ITPRID2: variants seen among roughly 807,000 people sequenced by gnomAD.
The protein encoded by ITPRID2 is protein ITPRID2.
A neutral mutation model predicts 124.3 loss-of-function variants in ITPRID2; 60 were observed. That is an observed-to-expected ratio of 0.48 (90% CI 0.39 to 0.60). The LOEUF (loss-of-function observed/expected upper bound fraction) is 0.60. Ranked by LOEUF, ITPRID2 falls within the 20% of genes least tolerant of loss-of-function variation. ITPRID2 has a pLI of 0.00. For missense variants in ITPRID2, 1,553 were observed against 1,512.2 expected, an observed-to-expected ratio of 1.03 and a Z score of -0.45; for synonymous variants, 521 against 542.9, an observed-to-expected ratio of 0.96 and a Z score of 0.56.
intron 2 of ITPRID2, chr2:181,893,186 GA>G: frequency 6.3e-6 from 1 of 159,338 alleles, no homozygotes; most frequent in Non-Finnish European, 1.4e-5. Context: ...GATGGCACTG[GA>G]ATTCTCAGGG....
chr2:181,915,610 A>G lies in ITPRID2; in HGVS notation c.1970A>G (p.Tyr657Cys), dbSNP rs1693968816. The G allele has an allele frequency of 1.9e-6, 3 of 1,614,240 alleles. No homozygotes were observed. Among genetic ancestry groups the G allele is most frequent in the Non-Finnish European group, 1.7e-6 (2 of 1,180,038 alleles). The change falls in exon 11 of 18, where the codon TAT becomes TGT. Residue 657 changes from tyrosine (Y) to cysteine (C), a missense_variant. By Grantham distance (194) the Tyr-to-Cys change is radical (BLOSUM62 -2). Transcript: ENST00000431877. The stretch of plus-strand genomic sequence containing the variant: ...AGCAGTGAAAGTGAATTTACTCAGT[A>G]TACCACACACCATATTCTGAAATCA... ...GKSSESEFTQ[Y>C]TTHHILKSLA...
rs1400520770 is a variant in ITPRID2, at chr2:181,892,521, C to T, written c.212-94C>T. 3 of 1,483,800 alleles carry T rather than the reference C, an allele frequency of 2.0e-6. No individual in the cohort carries two copies. The highest frequency in any genetic ancestry group is 2.8e-6 in the Non-Finnish European group (3 of 1,062,912). The allele number at this position is 1,483,800 out of a possible 1,614,324, so 91.9% of individuals were successfully genotyped here. ...GACGTGTCGCTTAGGCTGCATTTGC[C>T]GTGGTAGATTTTCCTACTTGGGAGG... On this transcript the variant is annotated intron_variant, in intron 1 of 17. Coordinates refer to ENST00000431877, the MANE Select transcript of ITPRID2 (RefSeq NM_001130445.3). The surrounding 1 kb of genome is among the most constrained non-coding windows in gnomAD (Gnocchi z 5.2).
chr2:181,929,053 G>A (rs1162794875), intron 17 of ITPRID2, among the ~76,000 whole-genome samples: 2 of 151,468 alleles, frequency 1.3e-5, no homozygotes, highest in East Asian at 1.9e-4. Flanking sequence ...TTAGTAAAAC[G>A]AATTACTTTC....
chr2:181,915,428 C>T lies in ITPRID2; in HGVS notation c.1788C>T (p.Phe596=). The T allele has an allele frequency of 6.2e-7, 1 of 1,614,138 alleles. No individual in the cohort carries two copies. The highest frequency in any genetic ancestry group is 8.5e-7 in the Non-Finnish European group (1 of 1,180,018). The change falls in exon 11 of 18, where the codon TTC becomes TTT. Residue 596 remains phenylalanine (F), a synonymous_variant. Transcript: ENST00000431877. ...ADKRKSGSQD[F]PQCNTIENTG... is the part of the protein sequence containing the mutation. ...AAAGAAAATCAGGTAGCCAGGATTT[C>T]CCTCAGTGCAACACCATTGAGAATA...
chr2:181,918,266 A>G (rs1436292575), intron 11 of ITPRID2: 11 of 1,062,516 alleles, frequency 1.0e-5, no homozygotes, highest in Non-Finnish European at 1.3e-5. Flanking sequence ...CTATAATCTC[A>G]TGATGATATT....
intron 2 of ITPRID2, chr2:181,893,940 C>T (rs1398673495): frequency 6.6e-6 from 1 of 152,150 alleles, no homozygotes; most frequent in Non-Finnish European, 1.5e-5. Flanking sequence ...AAACTAGTAT[C>T]TTTCAGGTTT....
chr2:181,898,816 T>C, intron 4 of ITPRID2, 64 bp from the exon 5 acceptor site: 3 of 1,112,904 alleles, frequency 2.7e-6, no homozygotes, highest in Non-Finnish European at 4.1e-6. Flanking sequence ...TTCTTGATAA[T>C]TGTATCATAG....
Position 181,892,674 on chromosome 2 carries a change from G to A in ITPRID2, c.257+14G>A. The A allele has an allele frequency of 6.2e-7, 1 of 1,613,948 alleles. No homozygotes were observed. Among genetic ancestry groups the A allele is most frequent in the Non-Finnish European group, 8.5e-7 (1 of 1,179,946 alleles). On this transcript the variant is annotated intron_variant, in intron 2 of 17. Transcript: ENST00000431877. The surrounding 1 kb of genome is among the most constrained non-coding windows in gnomAD (Gnocchi z 5.2). ...CAAGGACTGCCGGTGAGTGCTCCCTGGTCCGCCCGCGTCCCGGGGGAGATC... is the reference window on the plus strand; with the variant it reads ...CAAGGACTGCCGGTGAGTGCTCCCTAGTCCGCCCGCGTCCCGGGGGAGATC...
intron 11 of ITPRID2, chr2:181,917,900 G>C (rs757076588): frequency 2.6e-5 from 4 of 152,104 alleles, no homozygotes; most frequent in Non-Finnish European, 5.9e-5. Context: ...TCCTGCCTTG[G>C]CCTCCCAAAG....
intron 15 of ITPRID2, 40 bp downstream of exon 15, chr2:181,920,702 A>G (rs1197583439): frequency 6.9e-7 from 1 of 1,455,436 alleles, no homozygotes; most frequent in African/African-American, 1.4e-5. Flanking sequence ...GAAGGGAATG[A>G]TACAACATTT....
At position 181,915,853 on chromosome 2, in the gene ITPRID2, A is replaced by C. The variant is rs138666546; in HGVS notation, c.2213A>C (p.Gln738Pro). The part of the protein sequence containing the change: ...AKAGYPLRRS[Q>P]SLPTTLLSPV... ...GCTGGCTATCCTCTAAGAAGGTCTC[A>C]GTCTTTACCAACCACCTTATTGAGC... Residue 738 changes from glutamine to proline, a missense_variant, in exon 11 of 18, where the codon CAG becomes CCG. By Grantham distance (76) the Gln-to-Pro change is moderately conservative (BLOSUM62 -1). Coordinates refer to ENST00000431877, the MANE Select transcript of ITPRID2 (RefSeq NM_001130445.3). 3 of 1,614,236 alleles carry C rather than the reference A, an allele frequency of 1.9e-6. No homozygotes were observed. Among genetic ancestry groups the C allele is most frequent in the African/African-American group, 1.3e-5 (1 of 75,060 alleles).
chr2:181,906,518 A>T (rs1574241424), intron 8 of ITPRID2, among the ~76,000 whole-genome samples: 1 of 152,268 alleles, frequency 6.6e-6, no homozygotes, highest in East Asian at 1.9e-4. Flanking sequence ...AGGCAGGAGG[A>T]TCACTTGAGC....
Position 181,892,297 on chromosome 2 carries a change from C to T in ITPRID2, c.211+20C>T. On this transcript the variant is annotated intron_variant, in intron 1 of 17. Coordinates refer to ENST00000431877, the MANE Select transcript of ITPRID2 (RefSeq NM_001130445.3). The surrounding 1 kb of genome is among the most constrained non-coding windows in gnomAD (Gnocchi z 5.2). Reference sequence around the variant, plus strand: ...GAAGAGGTCGGTGCTCCCGGCCGGGCTCCGGGGGGAGGCTGGTGGGCTGGG... The same window carrying T: ...GAAGAGGTCGGTGCTCCCGGCCGGGTTCCGGGGGGAGGCTGGTGGGCTGGG... 2 of 1,535,740 alleles carry T rather than the reference C, an allele frequency of 1.3e-6. No individual in the cohort carries two copies. The highest frequency in any genetic ancestry group is 1.8e-6 in the Non-Finnish European group (2 of 1,140,464).
At chr2:181,909,344 A>G (rs1041546335) in intron 8 of ITPRID2, among the ~76,000 whole-genome samples, 5 of 152,104 alleles carry the variant, frequency 3.3e-5, no homozygotes, top group Admixed American at 2.0e-4. Flanking sequence ...ACTGTGTTCT[A>G]TTTTCAAAGA....
Position 181,891,952 on chromosome 2 carries a change from T to C in ITPRID2, c.-115T>C. 1 of 634,790 alleles carries C rather than the reference T, an allele frequency of 1.6e-6. No homozygotes were observed. The allele number at this position is 634,790 out of a possible 1,614,324, so 39.3% of individuals were successfully genotyped here. ...CTCCTCCTCCTCCTCCGGCGCCCGC[T>C]TCAGCTCCCCGGGGCCCCCTGCCCG... On this transcript the variant is annotated 5_prime_UTR_variant, in exon 1 of 18. Coordinates refer to ENST00000431877, the MANE Select transcript of ITPRID2 (RefSeq NM_001130445.3).
chr2:181,907,876 G>A lies in ITPRID2; in HGVS notation c.1414-2023G>A, dbSNP rs74580922. On this transcript the variant is annotated intron_variant, in intron 8 of 17. Transcript: ENST00000431877. This position sits in a 1 kb window ranked among gnomAD's most constrained non-coding sequence, Gnocchi z 5.1. ...CCAACTTTAGTTTTATTAGTAAAAT[G>A]TGACTGTCTCAGCTTTTTGAAGTGC... Among the ~76,000 whole-genome samples the A allele has an allele frequency of 2.6e-4, 39 of 152,284 alleles. No individual in the cohort carries two copies. The highest frequency in any genetic ancestry group is 9.1e-4 in the African/African-American group (38 of 41,558).
intron 17 of ITPRID2, among the ~76,000 whole-genome samples, chr2:181,928,726 C>T (rs1347573243): frequency 6.6e-6 from 1 of 151,688 alleles, no homozygotes; most frequent in Non-Finnish European, 1.5e-5. Context: ...CCCGGGTTCA[C>T]GCCATTCTCC....
At position 181,919,538 on chromosome 2, in the gene ITPRID2, T is replaced by G; in HGVS notation, c.3144+92T>G. The stretch of plus-strand genomic sequence containing the variant: ...GACGTGTGCCTTCATTTCAAGTCAT[T>G]TATTTTAATGGTATTAAAAGCATGC... On this transcript the variant is annotated intron_variant, in intron 14 of 17. Coordinates refer to ENST00000431877, the MANE Select transcript of ITPRID2 (RefSeq NM_001130445.3). The surrounding 1 kb of genome is among the most constrained non-coding windows in gnomAD (Gnocchi z 4.2). The G allele has an allele frequency of 1.4e-6, 2 of 1,382,306 alleles. No individual in the cohort carries two copies. Among genetic ancestry groups the G allele is most frequent in the Non-Finnish European group, 1.9e-6 (2 of 1,044,962 alleles). 85.6% of individuals were successfully genotyped at this position (1,382,306 alleles called of 1,614,324 possible).
intron 17 of ITPRID2, among the ~76,000 whole-genome samples, chr2:181,929,282 CATG>C (rs1012049046): frequency 2.6e-5 from 4 of 151,732 alleles, no homozygotes; most frequent in Admixed American, 1.3e-4. Context: ...TTGAATAAGA[CATG>C]AGAAACAAAT....
Sources: gnomAD v4.1 joint callset for allele counts (sites outside exome capture counted in the v4.1 genomes callset) on GRCh38, gnomAD v4.1.1 for gene constraint, Gnocchi (gnomAD v3.1) non-coding constraint, MANE v1.5 for transcripts, NCBI Gene and HGNC (gene_info 2026-07-23, HGNC 2026-07-21) for gene names.